The following PCDHA3 variants were observed in gnomAD, a reference collection of about 807,000 sequenced individuals.
PCDHA3 encodes protocadherin alpha-3.
PCDHA3 carries 41 observed loss-of-function variants against 62.2 expected under a neutral mutation model. That is an observed-to-expected ratio of 0.66 (90% CI 0.51 to 0.86). The LOEUF is 0.86. PCDHA3 is among the 40% of genes least tolerant of loss of function. PCDHA3 has a pLI of 0.00. For missense variants in PCDHA3, 1,304 were observed against 1,241.2 expected, an observed-to-expected ratio of 1.05 and a Z score of -0.76; for synonymous variants, 640 against 555.4, an observed-to-expected ratio of 1.15 and a Z score of -2.14.
intron 1 of PCDHA3, chr5:140,823,223 C>T (rs1367836220): frequency 1.2e-6 from 2 of 1,613,672 alleles, no homozygotes; most frequent in Non-Finnish European, 8.5e-7. Context: ...GACGCGGACG[C>T]GCAGGAGAAC....
chr5:140,823,897 A>G (rs2150130123), intron 1 of PCDHA3: 1 of 1,613,954 alleles, frequency 6.2e-7, no homozygotes, highest in Admixed American at 1.7e-5. Flanking sequence ...TGCGGTGTCC[A>G]GCCTGCTGGT....
At chr5:140,871,097 T>A in intron 1 of PCDHA3, 1 of 1,613,266 alleles carries the variant, frequency 6.2e-7, no homozygotes, top group Admixed American at 1.7e-5. Flanking sequence ...GCCACCGTGC[T>A]GGTGTCGTTG....
intron 1 of PCDHA3, chr5:140,927,923 C>G: frequency 1.2e-6 from 2 of 1,614,232 alleles, no homozygotes; most frequent in Non-Finnish European, 1.7e-6. Context: ...GACTTCCTGA[C>G]TCTTTCGAAC....
At chr5:140,930,962 T>A (rs1193722929) in intron 1 of PCDHA3, among the ~76,000 whole-genome samples, 2 of 152,184 alleles carry the variant, frequency 1.3e-5, no homozygotes, top group African/African-American at 4.8e-5. Flanking sequence ...AAATGTACTG[T>A]TTCAATGATT....
At chr5:140,984,339 A>G (rs956761683) in intron 3 of PCDHA3, among the ~76,000 whole-genome samples, 2 of 152,246 alleles carry the variant, frequency 1.3e-5, no homozygotes, top group Non-Finnish European at 2.9e-5. Context: ...AATAGGAACC[A>G]TGTATTGATA....
chr5:141,002,679 G>A (rs1554258764), intron 3 of PCDHA3, among the ~76,000 whole-genome samples: 1 of 152,134 alleles, frequency 6.6e-6, no homozygotes, highest in Non-Finnish European at 1.5e-5. Context: ...AAACCTATAC[G>A]ACGTGCAGAT....
In PCDHA3 at chr5:140,845,401, T is replaced by C. The variant is rs1326186010; in HGVS notation, c.2394+41810T>C. On this transcript the variant is annotated intron_variant, in intron 1 of 3. Transcript: ENST00000522353. Reference sequence around the variant, plus strand: ...GGAGGATTCTTTCCACCACCTAGCATTGTATTTGGCAATTTATCATTTAAG... The same window carrying C: ...GGAGGATTCTTTCCACCACCTAGCACTGTATTTGGCAATTTATCATTTAAG... Among the ~76,000 whole-genome samples, 3 of 149,536 alleles carry C rather than the reference T, an allele frequency of 2.0e-5. 1 individual carries two copies. The highest frequency in any genetic ancestry group is 1.5e-5 in the Non-Finnish European group (1 of 66,828).
Position 140,823,972 on chromosome 5 carries a change from C to T in PCDHA3, c.2394+20381C>T, listed in dbSNP as rs140039635. On this transcript the variant is annotated intron_variant, in intron 1 of 3. Coordinates refer to ENST00000522353, the MANE Select transcript of PCDHA3 (RefSeq NM_018906.3). ...GCAGCCCACCGAGGCCGTGTGCACA[C>T]GGGGCAAGCCCACTCTGTTGTGCTC... 56 of 1,613,990 alleles carry T rather than the reference C, an allele frequency of 3.5e-5. No individual in the cohort carries two copies. Among genetic ancestry groups the T allele is most frequent in the Non-Finnish European group, 4.2e-5 (50 of 1,180,016 alleles).
chr5:140,837,669 T>C (rs1554136589), intron 1 of PCDHA3, among the ~76,000 whole-genome samples: 1 of 151,640 alleles, frequency 6.6e-6, no homozygotes, highest in African/African-American at 2.4e-5. Context: ...CTTTCATTCT[T>C]TTTCTTTTTT....
chr5:140,853,857 A>T, intron 1 of PCDHA3: 3 of 985,610 alleles, frequency 3.0e-6, no homozygotes, highest in Non-Finnish European at 3.7e-6. Flanking sequence ...GCCCTATTTG[A>T]TACTTGACAG....
At chr5:140,804,951 A>G (rs921974921) in intron 1 of PCDHA3, 1 of 1,319,588 alleles carries the variant, frequency 7.6e-7, no homozygotes, top group Non-Finnish European at 1.0e-6. Context: ...TCCCTTGTCC[A>G]TGAAGTAGTA....
At position 140,924,894 on chromosome 5, in the gene PCDHA3, CA is replaced by C. The variant is rs782133089; in HGVS notation, c.2395-54044del. 4.9e-4 allele frequency among the ~76,000 whole-genome samples: 35 copies of C among 71,496 alleles called. 1 individual carries two copies. Among genetic ancestry groups the C allele is most frequent in the Admixed American group, 2.6e-3 (18 of 6,864 alleles). The allele number at this position is 71,496 out of a possible 152,430, so 46.9% of individuals were successfully genotyped here. On this transcript the variant is annotated intron_variant, in intron 1 of 3. Coordinates refer to ENST00000522353, the MANE Select transcript of PCDHA3 (RefSeq NM_018906.3). Reference sequence around the variant, plus strand: ...TGGGTGACAGAGCAAGAACCTGTCTCAAAAAAAAAAATAAAATAAAATAAAA... The same window carrying C: ...TGGGTGACAGAGCAAGAACCTGTCTCAAAAAAAAAATAAAATAAAATAAAA...
At chr5:140,853,121 C>T in intron 1 of PCDHA3, 1 of 518,370 alleles carries the variant, frequency 1.9e-6, no homozygotes, top group Middle Eastern at 9.7e-4. Flanking sequence ...CCTCATGATC[C>T]TCCCGCCTCA....
intron 1 of PCDHA3, chr5:140,884,501 G>A: frequency 1.9e-6 from 3 of 1,614,146 alleles, no homozygotes; most frequent in Middle Eastern, 1.6e-4. Context: ...CTCCAGCGCG[G>A]CAGGGAGTTG....
At chr5:140,848,690 G>A in intron 1 of PCDHA3, 8 of 1,592,462 alleles carry the variant, frequency 5.0e-6, no homozygotes, top group Non-Finnish European at 6.9e-6. Flanking sequence ...GCCTGTTCCA[G>A]TTGGATTCCA....
chr5:140,991,924 A>T (rs1028386420), intron 3 of PCDHA3, among the ~76,000 whole-genome samples: 1 of 152,140 alleles, frequency 6.6e-6, no homozygotes, highest in Non-Finnish European at 1.5e-5. Context: ...GTAACATAAC[A>T]TATTCACAAG....
chr5:140,801,705 T>C lies in PCDHA3; in HGVS notation c.508T>C (p.Tyr170His). 6.2e-7 allele frequency: 1 copy of C among 1,614,222 alleles called. No individual in the cohort carries two copies. Among genetic ancestry groups the C allele is most frequent in the Non-Finnish European group, 8.5e-7 (1 of 1,180,044 alleles). The change falls in exon 1 of 4, where the codon TAC (tyrosine) becomes CAC (histidine). Residue 170 changes from tyrosine (Y) to histidine (H), a missense_variant. Tyr to His is a moderately conservative substitution (Grantham distance 83). Coordinates refer to ENST00000522353, the MANE Select transcript of PCDHA3 (RefSeq NM_018906.3). ...ADIGTNSLLT[Y>H]SLDSTEYFTL... ...TATCGGAACAAATTCGTTGTTGACT[T>C]ACAGTCTTGATTCCACTGAATATTT...
intron 1 of PCDHA3, among the ~76,000 whole-genome samples, chr5:140,886,515 G>A (rs1554182564): frequency 3.9e-5 from 6 of 151,972 alleles, no homozygotes; most frequent in Non-Finnish European, 8.8e-5. Flanking sequence ...TGGATTTTAA[G>A]GTCTGCATAT....
At chr5:140,849,620 C>A (rs2040998983) in intron 1 of PCDHA3, 1 of 1,598,622 alleles carries the variant, frequency 6.3e-7, no homozygotes, top group Non-Finnish European at 8.6e-7. Context: ...TTAGTGTGAT[C>A]GACCTAGACG....
Sources: allele counts gnomAD v4.1 joint callset (sites outside exome capture counted in the v4.1 genomes callset), GRCh38; gene constraint gnomAD v4.1.1; transcripts MANE v1.5; gene names NCBI Gene and HGNC (gene_info 2026-07-23, HGNC 2026-07-21).